Variants in SGCZ observed in about 807,000 individuals in gnomAD.
SGCZ encodes the protein sarcoglycan zeta, also known as zeta-sarcoglycan.
Under a neutral mutation model 41.3 loss-of-function variants are expected in SGCZ, and 40 were observed. The observed-to-expected ratio is 0.97, with a 90% CI of 0.75 to 1.26. SGCZ has a LOEUF of 1.26. Ranked by LOEUF, SGCZ falls within the 50% of genes most tolerant of loss-of-function variation. SGCZ has a pLI of 0.00. For synonymous variants in SGCZ, 206 were observed against 137.5 expected, an observed-to-expected ratio of 1.50 and a Z score of -3.49; for missense variants, 552 against 369.8, an observed-to-expected ratio of 1.49 and a Z score of -4.04.
chr8:14,330,612 T>A (rs1361949090), intron 2 of SGCZ, among the ~76,000 whole-genome samples: 1 of 151,728 alleles, frequency 6.6e-6, no homozygotes, highest in East Asian at 1.9e-4. Flanking sequence ...TTAAAATGAC[T>A]GTTTAAATTT....
At chr8:14,310,570 G>C (rs1383066385) in intron 3 of SGCZ, among the ~76,000 whole-genome samples, 2 of 152,000 alleles carry the variant, frequency 1.3e-5, no homozygotes, top group Non-Finnish European at 2.9e-5. Context: ...TTAGCACCTT[G>C]TATTACTTAG....
At chr8:14,365,477 T>G (rs1803667755) in intron 2 of SGCZ, among the ~76,000 whole-genome samples, 1 of 152,110 alleles carries the variant, frequency 6.6e-6, no homozygotes, top group Non-Finnish European at 1.5e-5. Flanking sequence ...TGTGTACAGT[T>G]TTGTTCATTG....
At chr8:14,861,456 T>C (rs1803744151) in intron 1 of SGCZ, among the ~76,000 whole-genome samples, 1 of 152,136 alleles carries the variant, frequency 6.6e-6, no homozygotes. Flanking sequence ...CTACAAAATA[T>C]ACATTGTATA....
intron 1 of SGCZ, among the ~76,000 whole-genome samples, chr8:14,672,291 A>G (rs571732121): frequency 2.6e-5 from 4 of 152,278 alleles, no homozygotes; most frequent in African/African-American, 7.2e-5. Flanking sequence ...CCATTTGCTA[A>G]GCTGTTAATG....
chr8:14,377,015 C>T lies in SGCZ; in HGVS notation c.235-52811G>A, dbSNP rs150636622. Among the ~76,000 whole-genome samples the T allele has an allele frequency of 5.3e-3, 804 of 152,256 alleles. 9 individuals carry two copies. The highest frequency in any genetic ancestry group is 0.019 in the African/African-American group (779 of 41,550). On this transcript the variant is annotated intron_variant, in intron 2 of 7. Transcript: ENST00000382080. ...GGTGAGAGGAACCCCTTTTGTTATACACAATAAACCCCTTTCCGCCATATC... is the reference window on the plus strand; with the variant it reads ...GGTGAGAGGAACCCCTTTTGTTATATACAATAAACCCCTTTCCGCCATATC...
Position 15,136,279 on chromosome 8 carries a change from A to C in SGCZ, c.39+101306T>G, listed in dbSNP as rs547089320. ...TTCTGTGCCTCAACTGGCCCCTTGT[A>C]ACAGGCAATGAGTTTATTGGATGGT... On this transcript the variant is annotated intron_variant, in intron 1 of 7. Coordinates refer to ENST00000382080, the MANE Select transcript of SGCZ (RefSeq NM_139167.4). 9.2e-5 allele frequency among the ~76,000 whole-genome samples: 14 copies of C among 152,224 alleles called. No homozygotes were observed. The South Asian group carries it at 2.7e-3, about 29-fold the overall frequency.
At chr8:14,769,563 A>T (rs1269320298) in intron 1 of SGCZ, among the ~76,000 whole-genome samples, 1 of 152,098 alleles carries the variant, frequency 6.6e-6, no homozygotes, top group Non-Finnish European at 1.5e-5. Context: ...AAGCTGAGGC[A>T]GGTGGATCAT....
chr8:14,517,323 G>A (rs1255469680), intron 2 of SGCZ, among the ~76,000 whole-genome samples: 1 of 152,044 alleles, frequency 6.6e-6, no homozygotes, highest in Non-Finnish European at 1.5e-5. Context: ...TAATGTAGGA[G>A]CTACATGATC....
At chr8:14,291,326 T>C (rs1336580759) in intron 3 of SGCZ, among the ~76,000 whole-genome samples, 1 of 142,974 alleles carries the variant, frequency 7.0e-6, no homozygotes, top group Non-Finnish European at 1.6e-5. Context: ...AAAGAAATGA[T>C]AAATTTTTAA....
intron 1 of SGCZ, among the ~76,000 whole-genome samples, chr8:14,866,824 G>C (rs1424297548): frequency 1.3e-5 from 2 of 152,018 alleles, no homozygotes; most frequent in Non-Finnish European, 2.9e-5. Flanking sequence ...AAAAGGTTTG[G>C]AGTTTGTTTG....
intron 1 of SGCZ, among the ~76,000 whole-genome samples, chr8:14,834,728 C>G (rs148940872): frequency 6.6e-5 from 10 of 152,250 alleles, no homozygotes; most frequent in African/African-American, 2.4e-4. Context: ...AAGTCAGAAA[C>G]AAACAGAGGG....
chr8:14,675,697 C>G (rs113446682), intron 1 of SGCZ, among the ~76,000 whole-genome samples: 1,928 of 152,240 alleles, frequency 0.013, 37 homozygotes, highest in African/African-American at 0.031. Context: ...ACTCTGATTT[C>G]CCGTCTTGCC....
chr8:14,636,769 G>T (rs140803111), intron 1 of SGCZ, among the ~76,000 whole-genome samples: 157 of 151,956 alleles, frequency 1.0e-3, no homozygotes, highest in African/African-American at 3.5e-3. Flanking sequence ...TTGCATGAAT[G>T]AATGACTATA....
At chr8:15,173,876 C>T (rs1052929211) in intron 1 of SGCZ, among the ~76,000 whole-genome samples, 12 of 152,062 alleles carry the variant, frequency 7.9e-5, no homozygotes, top group Non-Finnish European at 1.5e-5. Context: ...CATAGGCATG[C>T]ACCACCACAC....
At position 14,086,907 on chromosome 8, in the gene SGCZ, GA is replaced by G. The variant is rs1334445764; in HGVS notation, c.*3535del. ...AACTGAATCAGAAAAACTTAAAAAT[GA>G]ATGTGACTAAAGGAAATGTCTAGTT... On this transcript the variant is annotated 3_prime_UTR_variant, in exon 8 of 8. Coordinates refer to ENST00000382080, the MANE Select transcript of SGCZ (RefSeq NM_139167.4). Among the ~76,000 whole-genome samples the G allele has an allele frequency of 6.6e-6, 1 of 151,608 alleles. No individual in the cohort carries two copies. The highest frequency in any genetic ancestry group is 1.5e-5 in the Non-Finnish European group (1 of 67,726).
At chr8:14,325,778 A>C (rs1802082110) in intron 2 of SGCZ, among the ~76,000 whole-genome samples, 1 of 91,784 alleles carries the variant, frequency 1.1e-5, no homozygotes, top group Non-Finnish European at 2.3e-5. Context: ...ATATATATAT[A>C]TATATATATA....
At chr8:14,338,250 C>A (rs918920495) in intron 2 of SGCZ, among the ~76,000 whole-genome samples, 1 of 152,192 alleles carries the variant, frequency 6.6e-6, no homozygotes, top group Non-Finnish European at 1.5e-5. Context: ...GGTCATGCCA[C>A]AAGATGGGCC....
At chr8:14,331,658 C>T (rs180863458) in intron 2 of SGCZ, among the ~76,000 whole-genome samples, 1 of 152,004 alleles carries the variant, frequency 6.6e-6, no homozygotes, top group African/African-American at 2.4e-5. Context: ...CTTTTACCAT[C>T]CTGAATATGA....
At chr8:14,749,516 G>T (rs775061540) in intron 1 of SGCZ, among the ~76,000 whole-genome samples, 1 of 152,120 alleles carries the variant, frequency 6.6e-6, no homozygotes, top group Non-Finnish European at 1.5e-5. Flanking sequence ...CAGGATACAA[G>T]TATTTCATTT....
Sources: gnomAD v4.1 joint callset for allele counts (sites outside exome capture counted in the v4.1 genomes callset) on GRCh38, gnomAD v4.1.1 for gene constraint, MANE v1.5 for transcripts, NCBI Gene and HGNC (gene_info 2026-07-23, HGNC 2026-07-21) for gene names.